SLC6A17: variants seen among roughly 807,000 people sequenced by gnomAD.
SLC6A17 encodes solute carrier family 6 member 17, also known as sodium-dependent neutral amino acid transporter SLC6A17.
Under a neutral mutation model 64.5 loss-of-function variants are expected in SLC6A17, and 21 were observed. The ratio of observed to expected loss-of-function variants is 0.33; its 90% CI spans 0.23 to 0.47. SLC6A17 has a LOEUF of 0.47. SLC6A17 is among the 20% of genes least tolerant of loss of function. The pLI, the probability that SLC6A17 is intolerant of heterozygous loss-of-function variation, is 1.00. For missense variants in SLC6A17, 682 were observed against 963.2 expected, an observed-to-expected ratio of 0.71 and a Z score of 3.86; for synonymous variants, 372 against 399.5, an observed-to-expected ratio of 0.93 and a Z score of 0.82.
At chr1:110,191,830 A>G in intron 6 of SLC6A17, 142 bp from the exon 7 acceptor site, 2 of 1,365,974 alleles carry the variant, frequency 1.5e-6, no homozygotes, top group Non-Finnish European at 2.0e-6. Flanking sequence ...GAGTAGGGAA[A>G]TTGCCCAAGT....
intron 1 of SLC6A17, 167 bp from the exon 2 acceptor site, chr1:110,166,676 G>A (rs1015437060): frequency 2.5e-6 from 1 of 400,184 alleles, no homozygotes; most frequent in Non-Finnish European, 4.5e-6. Context: ...TAGGCCTTGA[G>A]CTCCTCACCG....
intron 6 of SLC6A17, among the ~76,000 whole-genome samples, chr1:110,187,220 CT>C (rs1656708956): frequency 6.6e-6 from 1 of 152,088 alleles, no homozygotes; most frequent in African/African-American, 2.4e-5. Flanking sequence ...GAACAATTCG[CT>C]AATCAGGCAG....
chr1:110,197,880 T>G (rs1221466664), intron 11 of SLC6A17, among the ~76,000 whole-genome samples, 196 bp from the exon 12 acceptor site: 1 of 152,176 alleles, frequency 6.6e-6, no homozygotes, highest in African/African-American at 2.4e-5. Context: ...GTCCATTTTA[T>G]AGTAGGAGAA....
intron 1 of SLC6A17, 57 bp from the exon 2 acceptor site, chr1:110,166,786 G>T: frequency 9.1e-7 from 1 of 1,103,964 alleles, no homozygotes; most frequent in Non-Finnish European, 1.2e-6. Context: ...TCCACGTTGG[G>T]CTCCTCACCT....
At position 110,196,483 on chromosome 1, in the gene SLC6A17, G is replaced by T. The variant is rs991623755; in HGVS notation, c.1652+738G>T. ...GAGAGCACAGGAGGGGACAGGGAGT[G>T]GGGGGAAGGACACTCCTCTGCTTCC... On this transcript the variant is annotated intron_variant, in intron 10 of 11. Transcript: ENST00000331565. Among the ~76,000 whole-genome samples the T allele has an allele frequency of 7.2e-5, 11 of 152,156 alleles. No homozygotes were observed. The East Asian group carries it at 1.2e-3, about 16-fold the overall frequency.
At chr1:110,190,898 G>C (rs1457600803) in intron 6 of SLC6A17, among the ~76,000 whole-genome samples, 1 of 152,198 alleles carries the variant, frequency 6.6e-6, no homozygotes. Flanking sequence ...CGACTAACCA[G>C]CTCCATTACC....
At chr1:110,196,867 ATTG>A (rs1260789388) in intron 10 of SLC6A17, among the ~76,000 whole-genome samples, 1 of 152,210 alleles carries the variant, frequency 6.6e-6, no homozygotes, top group East Asian at 1.9e-4. Context: ...AGTCACAGGT[ATTG>A]TTAATACTAC....
In SLC6A17 at chr1:110,174,043, T is replaced by A. The variant is rs1342380926; in HGVS notation, c.515T>A (p.Phe172Tyr). 1 of 1,614,162 alleles carries A rather than the reference T, an allele frequency of 6.2e-7. No homozygotes were observed. The highest frequency in any genetic ancestry group is 8.5e-7 in the Non-Finnish European group (1 of 1,180,010). ...GWSIFYFFKS[F>Y]QYPLPWSECP... is the part of the protein sequence containing the mutation. ...AGCATCTTCTATTTCTTCAAGTCCT[T>A]CCAGTACCCGCTGCCCTGGAGTGAA... Residue 172 changes from phenylalanine to tyrosine, a missense_variant, in exon 4 of 12, where the codon TTC becomes TAC. Physicochemically the swap from Phe to Tyr is conservative, Grantham distance 22. This residue lies in a region of SLC6A17 where 415 missense variants were observed against 603.8 expected (regional missense o/e 0.69). Transcript: ENST00000331565.
At chr1:110,185,937 G>C (rs1273551416) in intron 6 of SLC6A17, among the ~76,000 whole-genome samples, 2 of 152,188 alleles carry the variant, frequency 1.3e-5, no homozygotes, top group African/African-American at 4.8e-5. Flanking sequence ...GGGACCACCT[G>C]CACCAGGCAC....
intron 10 of SLC6A17, among the ~76,000 whole-genome samples, chr1:110,196,533 G>A (rs1480577085): frequency 6.6e-6 from 1 of 152,214 alleles, no homozygotes; most frequent in East Asian, 1.9e-4. Flanking sequence ...AGGGCTGTAA[G>A]ACACTGCCAC....
In SLC6A17 at chr1:110,199,881, G is replaced by A. The variant is rs1185271354; in HGVS notation, c.*1437G>A. 2.6e-6 allele frequency: 1 copy of A among 390,030 alleles called. No individual in the cohort carries two copies. Among genetic ancestry groups the A allele is most frequent in the East Asian group, 3.6e-5 (1 of 27,540 alleles). The allele number at this position is 390,030 out of a possible 1,614,324, so 24.2% of individuals were successfully genotyped here. A position where few individuals can be genotyped will look rare whatever the true frequency, so the allele number is the denominator to read the frequency against. ...GATAGATGGATGGATGGGTTGGGGA[G>A]TGGGGGTGGATGGATGGATAGATGG... On this transcript the variant is annotated 3_prime_UTR_variant, in exon 12 of 12. Coordinates refer to ENST00000331565, the MANE Select transcript of SLC6A17 (RefSeq NM_001010898.4).
chr1:110,174,361 C>A (rs1269016255), intron 4 of SLC6A17, among the ~76,000 whole-genome samples: 1 of 152,216 alleles, frequency 6.6e-6, no homozygotes, highest in Non-Finnish European at 1.5e-5. Context: ...TGTTATTCCA[C>A]TTCACAGATG....
At chr1:110,195,550 C>T (rs777546607) in intron 9 of SLC6A17, 36 bp from the exon 10 acceptor site, 4 of 1,611,372 alleles carry the variant, frequency 2.5e-6, no homozygotes, top group South Asian at 2.2e-5. Flanking sequence ...CCACCCTGCA[C>T]CTTTGCCCCC....
At chr1:110,153,546 T>TGTGTGTGTGTGTGC (rs1655665269) in intron 1 of SLC6A17, among the ~76,000 whole-genome samples, 2 of 151,938 alleles carry the variant, frequency 1.3e-5, no homozygotes, top group African/African-American at 4.8e-5. Flanking sequence ...TGTGTGTGTG[T>TGTGTGTGTGTGTGC]GTGTGCATTG....
Position 110,200,036 on chromosome 1 carries a change from C to T in SLC6A17, c.*1592C>T. On this transcript the variant is annotated 3_prime_UTR_variant, in exon 12 of 12. Transcript: ENST00000331565. ...GGAATACTGGCTCCATCTTTGAGAG[C>T]TCTGGTGGGCAGGGCAGAAACAGGC... 2.5e-6 allele frequency: 1 copy of T among 398,462 alleles called. No individual in the cohort carries two copies. 24.7% of individuals were successfully genotyped at this position (398,462 alleles called of 1,614,324 possible). A position where few individuals can be genotyped will look rare whatever the true frequency, so the allele number is the denominator to read the frequency against.
intron 6 of SLC6A17, among the ~76,000 whole-genome samples, chr1:110,183,325 C>A (rs1046504647): frequency 6.6e-6 from 1 of 152,190 alleles, no homozygotes; most frequent in African/African-American, 2.4e-5. Context: ...TTGCAACATG[C>A]AACTCCTGAA....
Position 110,199,918 on chromosome 1 carries a change from G to T in SLC6A17, c.*1474G>T. The T allele has an allele frequency of 5.2e-6, 2 of 384,546 alleles. No individual in the cohort carries two copies. The highest frequency in any genetic ancestry group is 9.1e-6 in the Non-Finnish European group (2 of 219,166). The allele number at this position is 384,546 out of a possible 1,614,324, so 23.8% of individuals were successfully genotyped here. A position where few individuals can be genotyped will look rare whatever the true frequency, so the allele number is the denominator to read the frequency against. ...GGATGGATAGATGGATGGATGGATG[G>T]ATGGATGGGTTGGGGGGTGGGGGTG... On this transcript the variant is annotated 3_prime_UTR_variant, in exon 12 of 12. Coordinates refer to ENST00000331565, the MANE Select transcript of SLC6A17 (RefSeq NM_001010898.4).
At chr1:110,172,856 G>A (rs371275545) in intron 3 of SLC6A17, among the ~76,000 whole-genome samples, 2 of 152,326 alleles carry the variant, frequency 1.3e-5, no homozygotes, top group South Asian at 2.1e-4. Flanking sequence ...AGAGCTCTAC[G>A]TGAGGAAACA....
intron 5 of SLC6A17, among the ~76,000 whole-genome samples, chr1:110,176,214 G>A (rs920048896): frequency 2.0e-5 from 3 of 152,118 alleles, no homozygotes; most frequent in African/African-American, 7.2e-5. Context: ...TTTGGGAGCC[G>A]TGTCTATAAC....
Sources: allele counts gnomAD v4.1 joint callset (sites outside exome capture counted in the v4.1 genomes callset), GRCh38; gene constraint gnomAD v4.1.1; regional missense constraint gnomAD v4.1.1; transcripts MANE v1.5; gene names NCBI Gene and HGNC (gene_info 2026-07-23, HGNC 2026-07-21).